Variants in SNW1 observed in about 807,000 individuals in gnomAD.
The protein encoded by SNW1 is SNW domain containing 1.
A neutral mutation model predicts 75.6 loss-of-function variants in SNW1; 9 were observed. The ratio of observed to expected loss-of-function variants is 0.12; its 90% confidence interval spans 0.07 to 0.21. The LOEUF is 0.21. SNW1 is among the 10% of genes least tolerant of loss of function. The pLI is 1.00. For missense variants in SNW1, 409 were observed against 670.9 expected (o/e 0.61, Z 4.31); for synonymous variants, 200 against 219.1 (o/e 0.91, Z 0.77).
intron 3 of SNW1, among the ~76,000 whole-genome samples, chr14:77,747,365 T>G (rs2080768909): frequency 6.6e-6 from 1 of 151,974 alleles, no homozygotes. Context: ...GGAGCGTCTC[T>G]GCCAGGCCGC....
rs540240242 is a variant in SNW1 at position 77,749,112 on chromosome 14, C to T, written c.330+2207G>A. 1.8e-4 allele frequency among the ~76,000 whole-genome samples: 28 copies of T among 152,248 alleles called. No homozygotes were observed. In the South Asian group the frequency reaches 3.9e-3, roughly 21 times the overall value. On this transcript the variant is annotated intron_variant, in intron 3 of 13. Coordinates refer to ENST00000261531, the MANE Select transcript of SNW1 (RefSeq NM_012245.3). ...GTAGACAGTAAGATATAAGGACCTA[C>T]AGCCCAGCAGAGAATACTGGGCTGG...
intron 3 of SNW1, among the ~76,000 whole-genome samples, chr14:77,746,865 T>A (rs1038252187): frequency 6.6e-6 from 1 of 152,072 alleles, no homozygotes; most frequent in African/African-American, 2.4e-5. Context: ...AATATCTAAA[T>A]CCATAATAAA....
chr14:77,718,116 T>G lies in SNW1; in HGVS notation c.1583A>C (p.His528Pro). ...TTCCTTCCTCCTCTTCTTGCCTTCATGCTCGTGTTCCTTGGGGCGGCTGCT... is the reference window on the plus strand; with the variant it reads ...TTCCTTCCTCCTCTTCTTGCCTTCAGGCTCGTGTTCCTTGGGGCGGCTGCT... ...SDSSRPKEHE[H>P]EGKKRRKE Residue 528 changes from histidine to proline, a missense_variant, in exon 14 of 14, where the codon CAT becomes CCT. By Grantham distance (77) the His-to-Pro change is moderately conservative. This residue lies in a region of SNW1 where 24 missense variants were observed against 31.0 expected (regional missense o/e 0.77). Transcript: ENST00000261531. 3.1e-6 allele frequency: 5 copies of G among 1,598,910 alleles called. No individual in the cohort carries two copies. In the South Asian group the frequency reaches 4.5e-5, roughly 14 times the overall value.
Position 77,719,696 on chromosome 14 carries a change from T to G in SNW1, c.1248+1015A>C, listed in dbSNP as rs192472479. Among the ~76,000 whole-genome samples, 51 of 152,300 alleles carry G rather than the reference T, an allele frequency of 3.3e-4. No homozygotes were observed. In the East Asian group the frequency reaches 3.9e-3, roughly 12 times the overall value. The stretch of plus-strand genomic sequence containing the variant: ...AAATCAAGACACCCAGTTTGAATCT[T>G]AATTCCATCAGTCACAAGCTAAACC... On this transcript the variant is annotated intron_variant, in intron 12 of 13. Transcript: ENST00000261531.
At chr14:77,732,390 G>A in intron 9 of SNW1, 95 bp downstream of exon 9, 5 of 746,692 alleles carry the variant, frequency 6.7e-6, no homozygotes, top group South Asian at 4.8e-5. Flanking sequence ...CTCTCTTTGG[G>A]TGCTCGGTAC....
chr14:77,731,552 A>G (rs2139903472), intron 9 of SNW1, among the ~76,000 whole-genome samples: 1 of 152,328 alleles, frequency 6.6e-6, no homozygotes, highest in South Asian at 2.1e-4. Flanking sequence ...AAAAAATAAC[A>G]TTTTCAAAAT....
chr14:77,756,159 C>T (rs540188797), intron 1 of SNW1, among the ~76,000 whole-genome samples: 11 of 152,004 alleles, frequency 7.2e-5, no homozygotes, highest in East Asian at 3.9e-4. Flanking sequence ...CTCGTTCTGT[C>T]GCCCAGCCTT....
rs531606491 is a variant in SNW1 at position 77,751,486 on chromosome 14, C to T, written c.169-6G>A. 19 of 1,574,862 alleles carry T rather than the reference C, an allele frequency of 1.2e-5. No homozygotes were observed. The highest frequency in any genetic ancestry group is 2.0e-5 in the Admixed American group (1 of 50,994). ...GCACCTCCATCTCCAAAATCCTACACATTAGAAGTAGTTAAATAAAATAGT... is the reference window on the plus strand; with the variant it reads ...GCACCTCCATCTCCAAAATCCTACATATTAGAAGTAGTTAAATAAAATAGT... On this transcript the variant is annotated splice_polypyrimidine_tract_variant and splice_region_variant and intron_variant, in intron 2 of 13. Transcript: ENST00000261531.
intron 10 of SNW1, among the ~76,000 whole-genome samples, chr14:77,730,599 G>A (rs1005228079): frequency 6.6e-6 from 1 of 152,100 alleles, no homozygotes; most frequent in African/African-American, 2.4e-5. Context: ...GAAATGCATT[G>A]GAGCCTACAA....
intron 10 of SNW1, among the ~76,000 whole-genome samples, chr14:77,727,056 G>GTT (rs137930156): frequency 1.4e-4 from 21 of 150,408 alleles, no homozygotes; most frequent in East Asian, 3.9e-4. Context: ...TTGATGTCTT[G>GTT]TTTTTTTTTG....
chr14:77,757,185 A>G (rs112065194), intron 1 of SNW1, among the ~76,000 whole-genome samples: 13 of 152,230 alleles, frequency 8.5e-5, no homozygotes, highest in African/African-American at 2.6e-4. Flanking sequence ...GCATGAGACT[A>G]TAAATGGAGA....
Position 77,717,921 on chromosome 14 carries a change from C to G in SNW1, c.*167G>C, listed in dbSNP as rs938496497. On this transcript the variant is annotated 3_prime_UTR_variant, in exon 14 of 14. Transcript: ENST00000261531. ...ACTCTTTAAAAAAAACTAAATAATT[C>G]AAAGTAGAATTTTCTATCCCCCCCA... The G allele has an allele frequency of 4.9e-6, 3 of 617,984 alleles. No homozygotes were observed. The highest frequency in any genetic ancestry group is 8.1e-6 in the Non-Finnish European group (3 of 368,308). The allele number at this position is 617,984 out of a possible 1,614,324, so 38.3% of individuals were successfully genotyped here.
chr14:77,724,193 AATTT>A (rs2080566026), intron 10 of SNW1, among the ~76,000 whole-genome samples: 1 of 152,190 alleles, frequency 6.6e-6, no homozygotes, highest in Non-Finnish European at 1.5e-5. Context: ...TTGCTTTTAA[AATTT>A]ATTTTTGATA....
intron 3 of SNW1, among the ~76,000 whole-genome samples, chr14:77,747,463 G>A (rs2080770210): frequency 6.6e-6 from 1 of 151,722 alleles, no homozygotes; most frequent in Non-Finnish European, 1.5e-5. Context: ...ATCCCGTCTA[G>A]GAAGTGAGGA....
chr14:77,743,778 A>G (rs2080737006), intron 3 of SNW1, among the ~76,000 whole-genome samples: 1 of 152,144 alleles, frequency 6.6e-6, no homozygotes, highest in Non-Finnish European at 1.5e-5. Context: ...ACTGGGATTT[A>G]TAGGTAGTGC....
At chr14:77,744,487 G>GA (rs953066590) in intron 3 of SNW1, among the ~76,000 whole-genome samples, 146 of 137,728 alleles carry the variant, frequency 1.1e-3, no homozygotes, top group African/African-American at 2.4e-4. Flanking sequence ...GAAAAGAAAA[G>GA]AAAAAAAAGA....
At chr14:77,728,611 T>A (rs1595077502) in intron 10 of SNW1, among the ~76,000 whole-genome samples, 2 of 151,568 alleles carry the variant, frequency 1.3e-5, no homozygotes, top group Admixed American at 6.6e-5. Flanking sequence ...ATATCTATCT[T>A]CATTTTTTTC....
rs536358393 is a variant in SNW1 at position 77,720,456 on chromosome 14, CA to C, written c.1248+254del. ...GGCCTCCCTGGTTCTATTTTAGAAA[CA>C]AAAGGTTGACATACCACAACACCAA... On this transcript the variant is annotated intron_variant, in intron 12 of 13. Coordinates refer to ENST00000261531, the MANE Select transcript of SNW1 (RefSeq NM_012245.3). The C allele has an allele frequency of 1.3e-3, 877 of 698,246 alleles. 16 individuals carry two copies. In the South Asian group the frequency reaches 0.013, roughly 10 times the overall value. The allele number at this position is 698,246 out of a possible 1,614,324, so 43.3% of individuals were successfully genotyped here.
At chr14:77,750,467 A>G (rs966673359) in intron 3 of SNW1, among the ~76,000 whole-genome samples, 2 of 152,210 alleles carry the variant, frequency 1.3e-5, no homozygotes, top group Non-Finnish European at 2.9e-5. Context: ...GCATGATTGC[A>G]TAATTGTCTT....
Sources: gnomAD v4.1 joint callset for allele counts (sites outside exome capture counted in the v4.1 genomes callset) on GRCh38, gnomAD v4.1.1 for gene constraint, gnomAD v4.1.1 regional missense constraint, MANE v1.5 for transcripts, NCBI Gene and HGNC (gene_info 2026-07-23, HGNC 2026-07-21) for gene names.